The following LAMA2 variants were observed in gnomAD, a reference collection of about 807,000 sequenced individuals.
LAMA2 encodes laminin subunit alpha 2.
Under a neutral mutation model 364.8 loss-of-function variants are expected in LAMA2, and 269 were observed. The observed-to-expected ratio is 0.74, with a 90% confidence interval of 0.67 to 0.82. LAMA2 has a LOEUF of 0.82. Ranked by LOEUF, LAMA2 falls within the 40% of genes least tolerant of loss-of-function variation. The pLI is 0.00. For synonymous variants in LAMA2, 1,379 were observed against 1,370.6 expected (o/e 1.01, Z -0.14); for missense variants, 3,807 against 3,873.2 (o/e 0.98, Z 0.45).
rs925805676 is a variant in LAMA2 at position 129,216,232 on chromosome 6, A to G, written c.1782+23379A>G. Reference sequence around the variant, plus strand: ...GAAACTTTATTGTTTATATTTTATGAAAACTGTTCTCTTTTGTTTTTATGT... The same window carrying G: ...GAAACTTTATTGTTTATATTTTATGGAAACTGTTCTCTTTTGTTTTTATGT... On this transcript the variant is annotated intron_variant, in intron 12 of 64. Coordinates refer to ENST00000421865, the MANE Select transcript of LAMA2 (RefSeq NM_000426.4). Among the ~76,000 whole-genome samples, 3 of 152,328 alleles carry G rather than the reference A, an allele frequency of 2.0e-5. No homozygotes were observed. In the East Asian group the frequency reaches 5.8e-4, roughly 29 times the overall value.
At chr6:129,221,734 G>T (rs1783867295) in intron 12 of LAMA2, among the ~76,000 whole-genome samples, 1 of 151,972 alleles carries the variant, frequency 6.6e-6, no homozygotes, top group Admixed American at 6.6e-5. Context: ...CAATTTTCTA[G>T]ATGTATATAC....
At chr6:129,508,418 AT>A (rs57872506) in intron 62 of LAMA2, among the ~76,000 whole-genome samples, 2,988 of 95,326 alleles carry the variant, frequency 0.031, 80 homozygotes, top group African/African-American at 0.08. Flanking sequence ...ATGTACAATT[AT>A]TTTTTTTTTT....
intron 3 of LAMA2, among the ~76,000 whole-genome samples, chr6:129,089,022 A>C (rs561707092): frequency 6.6e-6 from 1 of 152,210 alleles, no homozygotes; most frequent in African/African-American, 2.4e-5. Context: ...AGCCTGGGCA[A>C]CATTGAGCAC....
At chr6:128,962,935 A>T (rs1283794906) in intron 1 of LAMA2, among the ~76,000 whole-genome samples, 1 of 152,230 alleles carries the variant, frequency 6.6e-6, no homozygotes, top group Non-Finnish European at 1.5e-5. Flanking sequence ...TAACAATCAT[A>T]TACTCACATT....
chr6:129,348,185 C>A (rs891236977), intron 30 of LAMA2, among the ~76,000 whole-genome samples: 1 of 152,190 alleles, frequency 6.6e-6, no homozygotes, highest in East Asian at 1.9e-4. Context: ...TTGGATAATG[C>A]GTTTGTGAGT....
chr6:129,247,693 C>T (rs1034952965), intron 12 of LAMA2, among the ~76,000 whole-genome samples: 1 of 151,954 alleles, frequency 6.6e-6, no homozygotes. Flanking sequence ...AATTTTCAGG[C>T]AATTCAAAAT....
intron 40 of LAMA2, among the ~76,000 whole-genome samples, chr6:129,417,372 T>G (rs1333285497): frequency 6.6e-6 from 1 of 152,144 alleles, no homozygotes; most frequent in Non-Finnish European, 1.5e-5. Context: ...GGGTAGCTCC[T>G]ATCCACAGGT....
At chr6:129,106,541 T>G (rs375646406) in intron 4 of LAMA2, among the ~76,000 whole-genome samples, 2 of 152,196 alleles carry the variant, frequency 1.3e-5, no homozygotes, top group African/African-American at 4.8e-5. Context: ...ATTTGGGGTT[T>G]CAGGCTTCCT....
intron 17 of LAMA2, among the ~76,000 whole-genome samples, chr6:129,273,052 C>A (rs1788053024): frequency 1.3e-5 from 2 of 152,112 alleles, no homozygotes; most frequent in Non-Finnish European, 2.9e-5. Flanking sequence ...ACTGAAGATT[C>A]TTTAACAACC....
chr6:129,044,284 A>G (rs1238883198), intron 1 of LAMA2, among the ~76,000 whole-genome samples: 1 of 152,154 alleles, frequency 6.6e-6, no homozygotes, highest in East Asian at 1.9e-4. Context: ...CTTCACAATT[A>G]TTAAAAATAG....
At chr6:129,511,868 A>G (rs1183304581) in intron 62 of LAMA2, among the ~76,000 whole-genome samples, 2 of 152,136 alleles carry the variant, frequency 1.3e-5, no homozygotes, top group African/African-American at 4.8e-5. Flanking sequence ...AATGTGTGGC[A>G]ACTTTTGAAA....
At chr6:129,234,809 G>T (rs1022730844) in intron 12 of LAMA2, among the ~76,000 whole-genome samples, 3 of 151,922 alleles carry the variant, frequency 2.0e-5, no homozygotes, top group Non-Finnish European at 2.9e-5. Flanking sequence ...TATAACAGGG[G>T]GCATAAAACA....
chr6:128,958,489 A>T (rs1321425837), intron 1 of LAMA2, among the ~76,000 whole-genome samples: 2 of 152,128 alleles, frequency 1.3e-5, no homozygotes, highest in African/African-American at 4.8e-5. Context: ...CTTCAGAGGG[A>T]ACCTATTATA....
At chr6:129,409,428 G>A (rs541170695) in intron 40 of LAMA2, among the ~76,000 whole-genome samples, 5 of 152,278 alleles carry the variant, frequency 3.3e-5, no homozygotes, top group Admixed American at 6.5e-5. Flanking sequence ...GGACTGGCTC[G>A]AGCCTGATCA....
chr6:129,407,495 A>G (rs570643208), intron 40 of LAMA2, among the ~76,000 whole-genome samples: 8 of 152,372 alleles, frequency 5.3e-5, no homozygotes, highest in African/African-American at 1.7e-4. Flanking sequence ...TAAAGGAAAA[A>G]GAAAGCAAAT....
chr6:129,344,056 T>C (rs1776411794), intron 30 of LAMA2, among the ~76,000 whole-genome samples: 1 of 152,082 alleles, frequency 6.6e-6, no homozygotes, highest in Non-Finnish European at 1.5e-5. Flanking sequence ...TAAATACCAG[T>C]CTAAGAAATA....
intron 3 of LAMA2, among the ~76,000 whole-genome samples, chr6:129,071,875 C>T (rs1034203807): frequency 6.6e-6 from 1 of 152,178 alleles, no homozygotes; most frequent in African/African-American, 2.4e-5. Context: ...CTCCTGTAAT[C>T]CCAGCACTTT....
At chr6:129,400,553 A>G (rs1295709946) in intron 37 of LAMA2, among the ~76,000 whole-genome samples, 1 of 152,250 alleles carries the variant, frequency 6.6e-6, no homozygotes, top group African/African-American at 2.4e-5. Context: ...AATCAGAAGT[A>G]TAAAGAATAA....
chr6:129,182,246 C>CA (rs1158327417), intron 10 of LAMA2, among the ~76,000 whole-genome samples: 1 of 151,334 alleles, frequency 6.6e-6, no homozygotes, highest in Non-Finnish European at 1.5e-5. Flanking sequence ...CACCAAGTAC[C>CA]AGTGAAAATC....
Sources: gnomAD v4.1 joint callset for allele counts (sites outside exome capture counted in the v4.1 genomes callset) on GRCh38, gnomAD v4.1.1 for gene constraint, MANE v1.5 for transcripts, NCBI Gene and HGNC (gene_info 2026-07-23, HGNC 2026-07-21) for gene names.